Variants in CNTNAP4 observed in about 807,000 individuals in gnomAD.
CNTNAP4 encodes contactin-associated protein-like 4.
In CNTNAP4, 98 loss-of-function variants were observed where a neutral mutation model predicts 148.4. The ratio of observed to expected loss-of-function variants is 0.66; its 90% CI spans 0.56 to 0.78. The LOEUF is 0.78. Ranked by LOEUF, CNTNAP4 falls within the 30% of genes least tolerant of loss-of-function variation. CNTNAP4 has a pLI of 0.00. For synonymous variants in CNTNAP4, 730 were observed against 565.1 expected (o/e 1.29, Z -4.14); for missense variants, 1,935 against 1,565.6 (o/e 1.24, Z -3.98).
chr16:76,354,660 A>G (rs991641027), intron 2 of CNTNAP4, among the ~76,000 whole-genome samples: 4 of 152,220 alleles, frequency 2.6e-5, no homozygotes, highest in Non-Finnish European at 5.9e-5. Context: ...TGAAAATTTA[A>G]TGATTGTCTC....
chr16:76,342,474 T>C (rs1225558082), intron 2 of CNTNAP4, among the ~76,000 whole-genome samples: 8 of 135,880 alleles, frequency 5.9e-5, no homozygotes, highest in African/African-American at 2.2e-4. Flanking sequence ...TCTTTTTTTT[T>C]TTTTTTTTTT....
At chr16:76,396,958 A>G (rs756397774) in intron 3 of CNTNAP4, among the ~76,000 whole-genome samples, 1 of 152,216 alleles carries the variant, frequency 6.6e-6, no homozygotes, top group Non-Finnish European at 1.5e-5. Context: ...GGAAGCAGAC[A>G]CATAAATGGT....
At chr16:76,533,188 A>G (rs2084061103) in intron 17 of CNTNAP4, among the ~76,000 whole-genome samples, 1 of 152,196 alleles carries the variant, frequency 6.6e-6, no homozygotes, top group Non-Finnish European at 1.5e-5. Flanking sequence ...CACTCACAGC[A>G]ACATGGATGG....
intron 1 of CNTNAP4, among the ~76,000 whole-genome samples, chr16:76,282,711 C>T (rs1958732017): frequency 6.6e-6 from 1 of 151,778 alleles, no homozygotes; most frequent in Admixed American, 6.6e-5. Flanking sequence ...TAATAAATTT[C>T]TGGGTAAATG....
In CNTNAP4 at chr16:76,535,690, G is replaced by A. The variant is rs1412331057; in HGVS notation, c.2901G>A (p.Lys967=). Residue 967 remains lysine (K), a synonymous_variant, in exon 18 of 24, where the codon AAG becomes AAA. Coordinates refer to ENST00000611870, the MANE Select transcript of CNTNAP4 (RefSeq NM_033401.5). ...GGGGACATTGCAGCAGCTATGGGAA[G>A]TTATGCCGCAATGGAGGGAAATGCA... is the stretch of plus-strand genomic sequence containing the variant. ...GCRGHCSSYG[K]LCRNGGKCRE... 2.5e-6 allele frequency: 4 copies of A among 1,613,872 alleles called. No individual in the cohort carries two copies. The highest frequency in any genetic ancestry group is 3.3e-5 in the Admixed American group (2 of 59,992).
chr16:76,442,501 G>T (rs2080083811), intron 4 of CNTNAP4, among the ~76,000 whole-genome samples: 1 of 152,146 alleles, frequency 6.6e-6, no homozygotes, highest in Non-Finnish European at 1.5e-5. Flanking sequence ...TTATGGTTCT[G>T]CAGGCTGGGA....
rs768806715 is a variant in CNTNAP4, at chr16:76,489,795, G to A, written c.1992G>A (p.Glu664=). The part of the protein sequence containing the change: ...AGFFEYVASM[E]QLQATINRAE... ...TTTTCGAGTATGTGGCCAGCATGGA[G>A]CAACTTCAGGCCACTATTAACCGTG... is the stretch of plus-strand genomic sequence containing the variant. Residue 664 remains glutamate (E), a synonymous_variant, in exon 13 of 24, where the codon GAG becomes GAA. Transcript: ENST00000611870. 16 of 1,606,312 alleles carry A rather than the reference G, an allele frequency of 1.0e-5. No individual in the cohort carries two copies. Among genetic ancestry groups the A allele is most frequent in the Middle Eastern group, 1.6e-4 (1 of 6,072 alleles).
At chr16:76,547,439 A>G (rs1297869116) in intron 21 of CNTNAP4, among the ~76,000 whole-genome samples, 8 of 152,216 alleles carry the variant, frequency 5.3e-5, no homozygotes, top group East Asian at 1.9e-4. Flanking sequence ...TATAATTACT[A>G]TTTGTTATTT....
chr16:76,396,088 A>G (rs2078193712), intron 3 of CNTNAP4, among the ~76,000 whole-genome samples: 1 of 152,212 alleles, frequency 6.6e-6, no homozygotes, highest in Non-Finnish European at 1.5e-5. Flanking sequence ...ACCATAAATA[A>G]GGAAAGACCT....
intron 4 of CNTNAP4, 64 bp downstream of exon 4, chr16:76,427,663 T>A (rs2079458867): frequency 2.1e-6 from 3 of 1,426,420 alleles, no homozygotes; most frequent in Non-Finnish European, 2.8e-6. Context: ...AAAGCCAAAC[T>A]ACAAACTGAA....
chr16:76,362,519 A>T (rs770314526), intron 3 of CNTNAP4, among the ~76,000 whole-genome samples: 1 of 152,240 alleles, frequency 6.6e-6, no homozygotes, highest in South Asian at 2.1e-4. Context: ...ATTTCAAAAT[A>T]TATTACAAAG....
chr16:76,411,251 T>G (rs1047146063), intron 3 of CNTNAP4, among the ~76,000 whole-genome samples: 2 of 151,480 alleles, frequency 1.3e-5, no homozygotes, highest in Non-Finnish European at 3.0e-5. Flanking sequence ...GCGAGTCTCT[T>G]TCTAAAGCAC....
At position 76,518,760 on chromosome 16, in the gene CNTNAP4, T is replaced by G. The variant is rs560628960; in HGVS notation, c.2366-2380T>G. ...CAAACGACAATGTTCTTAACTGTAG[T>G]CACCCCAGTCTGCTATTGAACATGA... On this transcript the variant is annotated intron_variant, in intron 15 of 23. Coordinates refer to ENST00000611870, the MANE Select transcript of CNTNAP4 (RefSeq NM_033401.5). 6.0e-4 allele frequency among the ~76,000 whole-genome samples: 92 copies of G among 152,290 alleles called. No individual in the cohort carries two copies. In the South Asian group the frequency reaches 0.018, roughly 30 times the overall value.
chr16:76,499,065 ATTTTTTT>A (rs57402016), intron 15 of CNTNAP4, among the ~76,000 whole-genome samples: 1 of 122,780 alleles, frequency 8.1e-6, no homozygotes, highest in African/African-American at 3.0e-5. Context: ...TTTTACCACA[ATTTTTTT>A]TTTTTTTTTT....
At chr16:76,421,160 A>T (rs1265125061) in intron 3 of CNTNAP4, among the ~76,000 whole-genome samples, 2 of 152,078 alleles carry the variant, frequency 1.3e-5, no homozygotes, top group Admixed American at 1.3e-4. Flanking sequence ...ATATTTTATA[A>T]CTTGTATCTC....
chr16:76,380,347 C>T (rs999308535), intron 3 of CNTNAP4, among the ~76,000 whole-genome samples: 4 of 152,140 alleles, frequency 2.6e-5, no homozygotes, highest in Non-Finnish European at 4.4e-5. Flanking sequence ...TGGTAAACTC[C>T]AGGTCTCTCC....
chr16:76,457,481 C>G (rs1280985958), intron 8 of CNTNAP4, among the ~76,000 whole-genome samples: 2 of 152,154 alleles, frequency 1.3e-5, no homozygotes, highest in African/African-American at 4.8e-5. Context: ...AAATGTGTGC[C>G]AAATTACAGA....
chr16:76,316,711 A>G (rs538379402), intron 2 of CNTNAP4, among the ~76,000 whole-genome samples, 188 bp downstream of exon 2: 6 of 152,364 alleles, frequency 3.9e-5, no homozygotes, highest in East Asian at 1.9e-4. Context: ...GATACATCCT[A>G]TATTACGAAG....
At chr16:76,370,638 G>A (rs879271595) in intron 3 of CNTNAP4, among the ~76,000 whole-genome samples, 4 of 152,158 alleles carry the variant, frequency 2.6e-5, no homozygotes, top group African/African-American at 4.8e-5. Flanking sequence ...AGGGTGACAC[G>A]TGGTTCTAAG....
Sources: allele counts gnomAD v4.1 joint callset (sites outside exome capture counted in the v4.1 genomes callset), GRCh38; gene constraint gnomAD v4.1.1; transcripts MANE v1.5; gene names NCBI Gene and HGNC (gene_info 2026-07-23, HGNC 2026-07-21).